GRIN2A: variants seen among roughly 807,000 people sequenced by gnomAD.
The protein encoded by GRIN2A is glutamate ionotropic receptor NMDA type subunit 2A, also known as glutamate receptor ionotropic, NMDA 2A.
GRIN2A carries 22 observed loss-of-function variants against 113.4 expected under a neutral mutation model. That is an observed-to-expected ratio of 0.19 (90% CI 0.14 to 0.28). GRIN2A has a LOEUF of 0.28. GRIN2A is among the 10% of genes least tolerant of loss of function. GRIN2A has a pLI of 1.00. For missense variants in GRIN2A, 1,502 were observed against 1,887.0 expected (o/e 0.80, Z 3.78); for synonymous variants, 827 against 738.4 (o/e 1.12, Z -1.94).
rs138477427 is a variant in GRIN2A at position 10,087,542 on chromosome 16, G to A, written c.414+92456C>T. 4.1e-3 allele frequency among the ~76,000 whole-genome samples: 618 copies of A among 152,258 alleles called. 2 individuals carry two copies. The highest frequency in any genetic ancestry group is 7.8e-3 in the Admixed American group (119 of 15,294). On this transcript the variant is annotated intron_variant, in intron 2 of 12. Transcript: ENST00000330684. ...AGCTGCAACTAACCTCATATAACTGGAACAAGAAATCAACTTTCATAAACA... is the reference window on the plus strand; with the variant it reads ...AGCTGCAACTAACCTCATATAACTGAAACAAGAAATCAACTTTCATAAACA...
chr16:10,015,272 GAAAA>G (rs1189929832), intron 2 of GRIN2A, among the ~76,000 whole-genome samples: 2 of 76,076 alleles, frequency 2.6e-5, no homozygotes, highest in African/African-American at 1.1e-4. Flanking sequence ...AAAAAAAAAA[GAAAA>G]AAAAAAAGAA....
chr16:10,028,539 C>G (rs931740653), intron 2 of GRIN2A, among the ~76,000 whole-genome samples: 1 of 152,138 alleles, frequency 6.6e-6, no homozygotes, highest in South Asian at 2.1e-4. Flanking sequence ...GATTTTCTGG[C>G]TGCTTGCAGA....
At chr16:9,963,783 C>T (rs973249067) in intron 2 of GRIN2A, among the ~76,000 whole-genome samples, 1 of 152,190 alleles carries the variant, frequency 6.6e-6, no homozygotes, top group East Asian at 1.9e-4. Flanking sequence ...CAGATATTTA[C>T]TATATAGCTA....
At chr16:9,770,230 T>G (rs916463445) in intron 11 of GRIN2A, among the ~76,000 whole-genome samples, 5 of 133,848 alleles carry the variant, frequency 3.7e-5, no homozygotes, top group Non-Finnish European at 8.3e-5. Flanking sequence ...AATCAAGATG[T>G]GTATGCTAAA....
chr16:9,920,530 C>G (rs1032621179), intron 3 of GRIN2A, among the ~76,000 whole-genome samples: 2 of 151,890 alleles, frequency 1.3e-5, no homozygotes, highest in Non-Finnish European at 2.9e-5. Context: ...AAAATATTTA[C>G]CAGTGTCTTG....
At chr16:9,806,346 T>G (rs2041966135) in intron 10 of GRIN2A, among the ~76,000 whole-genome samples, 1 of 152,220 alleles carries the variant, frequency 6.6e-6, no homozygotes, top group South Asian at 2.1e-4. Flanking sequence ...TAAGAAGATT[T>G]GAGTCATCTA....
rs115774861 is a variant in GRIN2A, at chr16:9,832,792, C to G, written c.1777+1313G>C. On this transcript the variant is annotated intron_variant, in intron 8 of 12. Coordinates refer to ENST00000330684, the MANE Select transcript of GRIN2A (RefSeq NM_001134407.3). ...TACCCTTTAAATGAAGGCTTGCAAT[C>G]TCCCATTAAACACAACATCATTATT... Among the ~76,000 whole-genome samples the G allele has an allele frequency of 8.4e-3, 1,276 of 152,256 alleles. 22 individuals carry two copies. Among genetic ancestry groups the G allele is most frequent in the African/African-American group, 0.029 (1,206 of 41,542 alleles).
At chr16:9,959,569 C>T (rs1055106871) in intron 2 of GRIN2A, among the ~76,000 whole-genome samples, 7 of 152,196 alleles carry the variant, frequency 4.6e-5, no homozygotes, top group African/African-American at 1.2e-4. Context: ...TGATTTATTC[C>T]AGGAGTCGCC....
intron 2 of GRIN2A, among the ~76,000 whole-genome samples, chr16:9,990,794 C>T (rs888566832): frequency 1.3e-4 from 20 of 151,914 alleles, no homozygotes; most frequent in South Asian, 8.3e-4. Flanking sequence ...GGGCTAGGTG[C>T]GGTGGCTCAC....
intron 5 of GRIN2A, among the ~76,000 whole-genome samples, chr16:9,842,995 G>A (rs55864908): frequency 0.3 from 43,501 of 146,938 alleles, 6,953 homozygotes; most frequent in African/African-American, 0.42. Context: ...AAGAAAGAAA[G>A]AGAGAAACAG....
At chr16:9,883,086 G>A (rs981335387) in intron 4 of GRIN2A, among the ~76,000 whole-genome samples, 8 of 152,176 alleles carry the variant, frequency 5.3e-5, no homozygotes, top group Non-Finnish European at 8.8e-5. Flanking sequence ...ACTAACCAGA[G>A]AGAAACTCTG....
intron 3 of GRIN2A, among the ~76,000 whole-genome samples, chr16:9,900,595 T>G (rs927260948): frequency 3.3e-5 from 5 of 152,070 alleles, no homozygotes; most frequent in African/African-American, 9.7e-5. Flanking sequence ...AGAAGCAGGG[T>G]GTATAGAGTA....
chr16:10,168,632 G>A (rs9935607), intron 2 of GRIN2A, among the ~76,000 whole-genome samples: 3,941 of 152,104 alleles, frequency 0.026, 153 homozygotes, highest in African/African-American at 0.091. Flanking sequence ...CCTAATTGCC[G>A]AAGCTTATTC....
rs567960705 is a variant in GRIN2A at position 10,065,478 on chromosome 16, C to G, written c.414+114520G>C. Among the ~76,000 whole-genome samples, 3 of 152,350 alleles carry G rather than the reference C, an allele frequency of 2.0e-5. No homozygotes were observed. In the South Asian group the frequency reaches 6.2e-4, roughly 32 times the overall value. ...TCTCTAAGGTCAGATCTTCAGAATT[C>G]ATCCTTTCATAAAGTTGTTTTAATG... On this transcript the variant is annotated intron_variant, in intron 2 of 12. Coordinates refer to ENST00000330684, the MANE Select transcript of GRIN2A (RefSeq NM_001134407.3).
At chr16:9,847,156 T>A (rs1285710386) in intron 5 of GRIN2A, among the ~76,000 whole-genome samples, 1 of 152,154 alleles carries the variant, frequency 6.6e-6, no homozygotes, top group East Asian at 1.9e-4. Context: ...GTTTTTAACC[T>A]TCTTGAGAAG....
At chr16:10,028,449 G>A (rs2046862911) in intron 2 of GRIN2A, among the ~76,000 whole-genome samples, 4 of 152,344 alleles carry the variant, frequency 2.6e-5, no homozygotes, top group African/African-American at 9.6e-5. Flanking sequence ...GTGTAGCCAT[G>A]TGACTCGTTC....
intron 11 of GRIN2A, among the ~76,000 whole-genome samples, chr16:9,779,760 C>T (rs1901832722): frequency 6.6e-6 from 1 of 152,126 alleles, no homozygotes; most frequent in Admixed American, 6.6e-5. Flanking sequence ...CTCCCGCTCC[C>T]CAGGTATGGA....
intron 2 of GRIN2A, among the ~76,000 whole-genome samples, chr16:9,951,046 C>T (rs899046269): frequency 1.3e-5 from 2 of 152,190 alleles, no homozygotes; most frequent in Non-Finnish European, 2.9e-5. Flanking sequence ...CCCTCCTTAT[C>T]GGTGCTTAAC....
rs1192106149 is a variant in GRIN2A at position 10,084,742 on chromosome 16, C to T, written c.414+95256G>A. 2.1e-4 allele frequency among the ~76,000 whole-genome samples: 7 copies of T among 32,748 alleles called. No homozygotes were observed. In the East Asian group the frequency reaches 7.8e-3, roughly 36 times the overall value. The allele number at this position is 32,748 out of a possible 152,430, so 21.5% of individuals were successfully genotyped here. On this transcript the variant is annotated intron_variant, in intron 2 of 12. Transcript: ENST00000330684. ...CATTCATGTCTTAATCACCACCTGA[C>T]ACTTTATTTATTTATTTATTTATTT...
Sources: allele counts gnomAD v4.1 joint callset (sites outside exome capture counted in the v4.1 genomes callset), GRCh38; gene constraint gnomAD v4.1.1; transcripts MANE v1.5; gene names NCBI Gene and HGNC (gene_info 2026-07-23, HGNC 2026-07-21).